DAAM1: variants seen among roughly 807,000 people sequenced by gnomAD.
DAAM1 encodes the protein dishevelled associated activator of morphogenesis 1.
In DAAM1, 52 loss-of-function variants were observed where a neutral mutation model predicts 130.0. The ratio of observed to expected loss-of-function variants is 0.40; its 90% confidence interval spans 0.32 to 0.50. The LOEUF is 0.50. DAAM1 is among the 20% of genes least tolerant of loss of function. DAAM1 has a pLI of 0.61. For synonymous variants in DAAM1, 452 were observed against 444.5 expected (o/e 1.02, Z -0.21); for missense variants, 1,134 against 1,303.8 (o/e 0.87, Z 2.01).
intron 3 of DAAM1, among the ~76,000 whole-genome samples, chr14:59,304,634 C>T (rs1884306723): frequency 6.6e-6 from 1 of 152,194 alleles, no homozygotes; most frequent in Admixed American, 6.5e-5. Flanking sequence ...AGGTACTTCC[C>T]TATGTCCCAT....
intron 1 of DAAM1, among the ~76,000 whole-genome samples, chr14:59,253,344 G>T (rs918972449): frequency 1.3e-5 from 2 of 152,324 alleles, no homozygotes; most frequent in South Asian, 4.1e-4. Flanking sequence ...AGGCATCTTC[G>T]TGAGAAAGTT....
Position 59,326,607 on chromosome 14 carries a change from C to T in DAAM1, c.1272C>T (p.Ser424=), listed in dbSNP as rs1594825072. The change falls in exon 11 of 25, where the codon TCC becomes TCT. Residue 424 remains serine, a synonymous_variant. Transcript: ENST00000360909. ...IQNDKGQDPD[S]TPLENFNIKN... is the part of the protein sequence containing the mutation. ...ATGACAAAGGACAGGACCCTGACTC[C>T]ACACCTTTGGAAAACTTTAATATTA... 2 of 1,613,778 alleles carry T rather than the reference C, an allele frequency of 1.2e-6. No homozygotes were observed. The highest frequency in any genetic ancestry group is 1.7e-6 in the Non-Finnish European group (2 of 1,179,900).
intron 3 of DAAM1, among the ~76,000 whole-genome samples, chr14:59,300,624 T>G (rs958995137): frequency 6.6e-6 from 1 of 152,226 alleles, no homozygotes; most frequent in Non-Finnish European, 1.5e-5. Context: ...TAACAAATGC[T>G]AATAACATTT....
In DAAM1 at chr14:59,331,212, G is replaced by T. The variant is rs754176163; in HGVS notation, c.1564G>T (p.Ala522Ser). 1.2e-5 allele frequency: 19 copies of T among 1,612,274 alleles called. No homozygotes were observed. The Admixed American group carries it at 1.7e-4, about 14-fold the overall frequency. Residue 522 changes from alanine (A) to serine (S), a missense_variant, in exon 14 of 25, where the codon GCC becomes TCC. This residue lies in a region of DAAM1 where 644 missense variants were observed against 695.9 expected (regional missense o/e 0.93). Coordinates refer to ENST00000360909, the MANE Select transcript of DAAM1 (RefSeq NM_001270520.2). Reference sequence around the variant, plus strand: ...TTTCCTATTTTTATCTTTTCAGAGGGCCGTCTGTGCTTCAATCCCAGGTGG... The same window carrying T: ...TTTCCTATTTTTATCTTTTCAGAGGTCCGTCTGTGCTTCAATCCCAGGTGG... ...TAQLHELSRR[A>S]VCASIPGGPS...
At chr14:59,244,601 T>C (rs772620922) in intron 1 of DAAM1, among the ~76,000 whole-genome samples, 2 of 152,200 alleles carry the variant, frequency 1.3e-5, no homozygotes, top group African/African-American at 4.8e-5. Context: ...TACAAATTAG[T>C]ACACACATGC....
intron 1 of DAAM1, among the ~76,000 whole-genome samples, chr14:59,192,731 G>A (rs922007722): frequency 2.0e-5 from 3 of 152,188 alleles, no homozygotes; most frequent in African/African-American, 4.8e-5. Flanking sequence ...TCTTAAGTAC[G>A]CACAGCATCT....
At chr14:59,278,290 A>C (rs1883057969) in intron 2 of DAAM1, among the ~76,000 whole-genome samples, 1 of 152,126 alleles carries the variant, frequency 6.6e-6, no homozygotes, top group South Asian at 2.1e-4. Context: ...GCTGCGGGTG[A>C]ACCTGGCTCA....
rs770830847 is a variant in DAAM1 at position 59,229,541 on chromosome 14, C to T, written c.-37-33900C>T. On this transcript the variant is annotated intron_variant, in intron 1 of 24. Coordinates refer to ENST00000360909, the MANE Select transcript of DAAM1 (RefSeq NM_001270520.2). ...CATACAAACAAGATTAAAATGAAGA[C>T]CCACACTGACTTACTATCTGTCCTG... 6.6e-5 allele frequency among the ~76,000 whole-genome samples: 10 copies of T among 152,162 alleles called. No homozygotes were observed. In the South Asian group the frequency reaches 2.1e-3, roughly 31 times the overall value.
chr14:59,207,076 C>T (rs1368960190), intron 1 of DAAM1, among the ~76,000 whole-genome samples: 1 of 152,048 alleles, frequency 6.6e-6, no homozygotes, highest in Non-Finnish European at 1.5e-5. Context: ...ATGAGGGAAC[C>T]AGTAAGATGT....
intron 1 of DAAM1, among the ~76,000 whole-genome samples, chr14:59,202,717 G>A (rs564523752): frequency 3.9e-5 from 6 of 152,242 alleles, no homozygotes; most frequent in African/African-American, 1.4e-4. Context: ...AATGCTCTTT[G>A]CGTTCCCTGG....
chr14:59,226,578 G>A lies in DAAM1; in HGVS notation c.-37-36863G>A, dbSNP rs77693631. Among the ~76,000 whole-genome samples the A allele has an allele frequency of 2.2e-3, 330 of 152,324 alleles. 2 individuals are homozygous for A. Among genetic ancestry groups the A allele is most frequent in the African/African-American group, 7.5e-3 (312 of 41,580 alleles). On this transcript the variant is annotated intron_variant, in intron 1 of 24. Transcript: ENST00000360909. ...ACATGATACCAAGAGTGCAGGGAAT[G>A]GAGGTGGGTCATTCCTTGTAAAGTC...
intron 2 of DAAM1, chr14:59,265,964 A>G (rs967602994): frequency 1.3e-5 from 2 of 152,212 alleles, no homozygotes; most frequent in African/African-American, 4.8e-5. Context: ...TTCTGTAGAG[A>G]CTGGTACCAC....
chr14:59,355,227 G>A lies in DAAM1; in HGVS notation c.2419G>A (p.Val807Ile). 5 of 1,614,144 alleles carry A rather than the reference G, an allele frequency of 3.1e-6. No homozygotes were observed. The highest frequency in any genetic ancestry group is 4.2e-6 in the Non-Finnish European group (5 of 1,180,010). The change falls in exon 20 of 25, where the codon GTT (valine) becomes ATT (isoleucine). Residue 807 changes from valine (V) to isoleucine (I), a missense_variant. This residue lies in a region of DAAM1 where 644 missense variants were observed against 695.9 expected (regional missense o/e 0.93). Transcript: ENST00000360909. ...SGALKQLLEV[V>I]LAFGNYMNKG... ...TGCCCTCAAGCAGTTGCTGGAGGTGGTTTTGGCATTTGGAAATTATATGAA... is the reference window on the plus strand; with the variant it reads ...TGCCCTCAAGCAGTTGCTGGAGGTGATTTTGGCATTTGGAAATTATATGAA...
chr14:59,280,535 C>CTTTTTT lies in DAAM1; in HGVS notation c.184-10664_184-10659dup, dbSNP rs35354608. Among the ~76,000 whole-genome samples, 751 of 90,598 alleles carry CTTTTTT rather than the reference C, an allele frequency of 8.3e-3. 2 individuals carry two copies. Among genetic ancestry groups the CTTTTTT allele is most frequent in the Non-Finnish European group, 9.9e-3 (489 of 49,260 alleles). The allele number at this position is 90,598 out of a possible 152,430, so 59.4% of individuals were successfully genotyped here. A position where few individuals can be genotyped will look rare whatever the true frequency, so the allele number is the denominator to read the frequency against. ...TCTTCTCTACTTTCTGCACACCTTCCTTTTTTTTTTTTTTTTTTTTTTTCA... is the reference window on the plus strand; with the variant it reads ...TCTTCTCTACTTTCTGCACACCTTCCTTTTTTTTTTTTTTTTTTTTTTTTTTTTTCA... On this transcript the variant is annotated intron_variant, in intron 2 of 24. Coordinates refer to ENST00000360909, the MANE Select transcript of DAAM1 (RefSeq NM_001270520.2).
At chr14:59,362,963 C>T (rs1886767794) in intron 22 of DAAM1, 1 of 152,262 alleles carries the variant, frequency 6.6e-6, no homozygotes, top group Admixed American at 6.5e-5. Context: ...ATCCCTCACT[C>T]ATAGGGATGT....
At position 59,326,649 on chromosome 14, in the gene DAAM1, G is replaced by A; in HGVS notation, c.1313+1G>A. 2 of 1,611,452 alleles carry A rather than the reference G, an allele frequency of 1.2e-6. No individual in the cohort carries two copies. The highest frequency in any genetic ancestry group is 1.7e-6 in the Non-Finnish European group (2 of 1,179,250). ...TTAATATTAAGAATGTCGTACGAAT[G>A]TAAGTCTCTTCTTATTCTGCTGCTG... On this transcript the variant is annotated splice_donor_variant, in intron 11 of 24. Coordinates refer to ENST00000360909, the MANE Select transcript of DAAM1 (RefSeq NM_001270520.2). LOFTEE classifies it high-confidence loss of function.
rs1028215897 is a variant in DAAM1, at chr14:59,363,626, A to C, written c.2695-25A>C. On this transcript the variant is annotated intron_variant, in intron 22 of 24. Transcript: ENST00000360909. ...ATGTCTGTATTTGAAGCCTGCATTGACATTATTCATTTCCTGTGTTTAAGG... is the reference window on the plus strand; with the variant it reads ...ATGTCTGTATTTGAAGCCTGCATTGCCATTATTCATTTCCTGTGTTTAAGG... 12 of 1,613,652 alleles carry C rather than the reference A, an allele frequency of 7.4e-6. No individual in the cohort carries two copies. The African/African-American group carries it at 1.6e-4, about 22-fold the overall frequency.
intron 2 of DAAM1, among the ~76,000 whole-genome samples, chr14:59,288,860 AGC>A (rs1555360678): frequency 2.3e-4 from 33 of 144,120 alleles, no homozygotes; most frequent in African/African-American, 8.4e-4. Context: ...AGAGAGAGAG[AGC>A]GCGCGAAGGG....
At chr14:59,310,960 T>TG (rs1491414265) in intron 3 of DAAM1, among the ~76,000 whole-genome samples, 9 of 92,130 alleles carry the variant, frequency 9.8e-5, no homozygotes, top group Non-Finnish European at 2.2e-4. Context: ...CATCTTAAAC[T>TG]GAAAAAAAAC....
Sources: allele counts gnomAD v4.1 joint callset (sites outside exome capture counted in the v4.1 genomes callset), GRCh38; gene constraint gnomAD v4.1.1; regional missense constraint gnomAD v4.1.1; transcripts MANE v1.5; gene names NCBI Gene and HGNC (gene_info 2026-07-23, HGNC 2026-07-21).